Variants in SUSD5 observed in about 807,000 individuals in gnomAD.
SUSD5 encodes the protein sushi domain-containing protein 5.
A neutral mutation model predicts 29.5 loss-of-function variants in SUSD5; 33 were observed. The ratio of observed to expected loss-of-function variants is 1.12; its 90% CI spans 0.85 to 1.49. SUSD5 has a LOEUF of 1.49. Ranked by LOEUF, SUSD5 falls within the 40% of genes most tolerant of loss-of-function variation. The probability of loss-of-function intolerance (pLI) is 0.00; values close to 1 mark genes in which losing one functional copy is unlikely to be tolerated. For synonymous variants in SUSD5, 308 were observed against 325.3 expected (o/e 0.95, Z 0.57); for missense variants, 776 against 800.6 (o/e 0.97, Z 0.37).
At chr3:33,210,147 G>A (rs1444192914) in intron 2 of SUSD5, among the ~76,000 whole-genome samples, 2 of 152,150 alleles carry the variant, frequency 1.3e-5, no homozygotes, top group Admixed American at 6.5e-5. Flanking sequence ...TGAGGTCTAG[G>A]ATACTATCTT....
chr3:33,209,656 TTTTC>T (rs546869586), intron 2 of SUSD5, among the ~76,000 whole-genome samples: 36 of 151,232 alleles, frequency 2.4e-4, no homozygotes, highest in African/African-American at 8.5e-4. Flanking sequence ...TCTTTCTTTC[TTTTC>T]TTTTTTTTTC....
At chr3:33,217,860 T>C (rs1443496300) in intron 1 of SUSD5, among the ~76,000 whole-genome samples, 1 of 152,232 alleles carries the variant, frequency 6.6e-6, no homozygotes, top group Non-Finnish European at 1.5e-5. Flanking sequence ...CTGCTGGCTT[T>C]AAGCTTGCTT....
At chr3:33,184,086 C>G (rs1218419619) in intron 3 of SUSD5, among the ~76,000 whole-genome samples, 1 of 151,514 alleles carries the variant, frequency 6.6e-6, no homozygotes, top group Non-Finnish European at 1.5e-5. Flanking sequence ...TACAGGCACA[C>G]ACCACCACAC....
At chr3:33,169,561 T>C (rs1035128237) in intron 4 of SUSD5, among the ~76,000 whole-genome samples, 2 of 152,128 alleles carry the variant, frequency 1.3e-5, no homozygotes, top group African/African-American at 4.8e-5. Flanking sequence ...GGTATGCAAA[T>C]TAAACCCAAT....
chr3:33,203,982 A>C (rs1218570834), intron 3 of SUSD5, among the ~76,000 whole-genome samples: 5 of 151,138 alleles, frequency 3.3e-5, no homozygotes, highest in Admixed American at 2.6e-4. Flanking sequence ...TGGCATGATC[A>C]TAGCTCACTG....
At position 33,175,057 on chromosome 3, in the gene SUSD5, G is replaced by T. The variant is rs764739657; in HGVS notation, c.427C>A (p.Pro143Thr). ...IKDEEKPCGDPPSFPHTILQG... is the reference protein window; with the variant it reads ...IKDEEKPCGDTPSFPHTILQG... The stretch of plus-strand genomic sequence containing the variant: ...AGGATGGTGTGTGGGAACGAAGGCG[G>T]GTCTCCACACGGCTTCTCTGAGGAG... The change falls in exon 4 of 5, where the codon CCG (proline) becomes ACG (threonine). Residue 143 changes from proline to threonine, a missense_variant. By Grantham distance (38) the Pro-to-Thr change is conservative (BLOSUM62 -1). Coordinates refer to ENST00000309558, the MANE Select transcript of SUSD5 (RefSeq NM_015551.2). 6.2e-7 allele frequency: 1 copy of T among 1,613,990 alleles called. No homozygotes were observed. Among genetic ancestry groups the T allele is most frequent in the Non-Finnish European group, 8.5e-7 (1 of 1,179,880 alleles).
At chr3:33,168,612 T>C (rs2031356469) in intron 4 of SUSD5, 1 of 984,560 alleles carries the variant, frequency 1.0e-6, no homozygotes, top group Non-Finnish European at 1.2e-6. Flanking sequence ...GCACATAGCA[T>C]GATGCAGATA....
At chr3:33,154,566 A>C (rs2031007573) in intron 4 of SUSD5, among the ~76,000 whole-genome samples, 1 of 149,858 alleles carries the variant, frequency 6.7e-6, no homozygotes, top group Admixed American at 6.6e-5. Context: ...ACAACAAAAA[A>C]CATGTGAGTT....
chr3:33,169,474 G>A (rs2031375774), intron 4 of SUSD5, among the ~76,000 whole-genome samples: 1 of 152,132 alleles, frequency 6.6e-6, no homozygotes, highest in Non-Finnish European at 1.5e-5. Context: ...ACCCGCCTCG[G>A]CCTCCCAAAG....
At chr3:33,210,217 TC>T (rs1363708965) in intron 2 of SUSD5, among the ~76,000 whole-genome samples, 3 of 152,168 alleles carry the variant, frequency 2.0e-5, no homozygotes, top group Non-Finnish European at 2.9e-5. Flanking sequence ...AAATTCAGGG[TC>T]ATCTCAATCC....
chr3:33,193,837 T>C (rs1360377658), intron 3 of SUSD5, among the ~76,000 whole-genome samples: 4 of 152,142 alleles, frequency 2.6e-5, no homozygotes, highest in African/African-American at 9.7e-5. Flanking sequence ...GAATTTATAG[T>C]GTAACATTGA....
chr3:33,164,877 A>AGGCTCCCAGAACTCTTATAC (rs2031272196), intron 4 of SUSD5, among the ~76,000 whole-genome samples: 1 of 152,042 alleles, frequency 6.6e-6, no homozygotes, highest in African/African-American at 2.4e-5. Flanking sequence ...TGGGGAGGTA[A>AGGCTCCCAGAACTCTTATAC]GGCTCCCAGA....
chr3:33,177,512 CTTTT>C (rs1435353716), intron 3 of SUSD5, among the ~76,000 whole-genome samples: 4 of 151,710 alleles, frequency 2.6e-5, no homozygotes, highest in Non-Finnish European at 4.4e-5. Flanking sequence ...TGTTTTTTGG[CTTTT>C]TTGTTTTTTT....
Position 33,188,683 on chromosome 3 carries a change from A to G in SUSD5, c.410-13609T>C, listed in dbSNP as rs187730358. Among the ~76,000 whole-genome samples the G allele has an allele frequency of 3.3e-5, 5 of 152,314 alleles. No homozygotes were observed. In the East Asian group the frequency reaches 9.6e-4, roughly 29 times the overall value. On this transcript the variant is annotated intron_variant, in intron 3 of 4. Coordinates refer to ENST00000309558, the MANE Select transcript of SUSD5 (RefSeq NM_015551.2). ...ACAGGCAAAACCTATATGTGGTGATAAGAATTGGAATAGAGATGGGCCTCT... is the reference window on the plus strand; with the variant it reads ...ACAGGCAAAACCTATATGTGGTGATGAGAATTGGAATAGAGATGGGCCTCT...
chr3:33,172,185 ACACAC>A (rs1437383679), intron 4 of SUSD5, among the ~76,000 whole-genome samples: 15 of 13,114 alleles, frequency 1.1e-3, no homozygotes, highest in Non-Finnish European at 1.9e-3. Context: ...TGTAAAACAC[ACACAC>A]ACACACACAC....
chr3:33,217,354 T>C (rs1352798111), intron 1 of SUSD5, among the ~76,000 whole-genome samples: 1 of 152,212 alleles, frequency 6.6e-6, no homozygotes, highest in African/African-American at 2.4e-5. Context: ...GGGATTCTTT[T>C]GAGGAGTGAT....
chr3:33,153,028 T>A lies in SUSD5; in HGVS notation c.1604A>T (p.Tyr535Phe), dbSNP rs1383223904. ...TVPEIQDSFP[Y>F]LLSEDFFGQE... Reference sequence around the variant, plus strand: ...TCCAAAGAAGTCTTCAGACAGCAGGTATGGGAAGCTATCCTGGATCTCAGG... The same window carrying A: ...TCCAAAGAAGTCTTCAGACAGCAGGAATGGGAAGCTATCCTGGATCTCAGG... Residue 535 changes from tyrosine (Y) to phenylalanine (F), a missense_variant, in exon 5 of 5, where the codon TAC (tyrosine) becomes TTC (phenylalanine). By Grantham distance (22) the Tyr-to-Phe change is conservative. Transcript: ENST00000309558. 6.2e-7 allele frequency: 1 copy of A among 1,613,722 alleles called. No individual in the cohort carries two copies. Among genetic ancestry groups the A allele is most frequent in the Admixed American group, 1.7e-5 (1 of 59,972 alleles).
At chr3:33,181,120 T>C (rs79828936) in intron 3 of SUSD5, among the ~76,000 whole-genome samples, 4,175 of 152,008 alleles carry the variant, frequency 0.027, 154 homozygotes, top group African/African-American at 0.091. Context: ...TTTTAAAAAA[T>C]TAAAAATTTA....
chr3:33,152,983 C>A lies in SUSD5; in HGVS notation c.1649G>T (p.Gly550Val), dbSNP rs2030945669. ...GGTGGGATGAAGCTCCTCACTTGCA[C>A]CTGGCCCGGGGCCTTCCTGTCCAAA... is the stretch of plus-strand genomic sequence containing the variant. Reference protein sequence around the residue: ...DFFGQEGPGPGASEELHPTLE... With the variant: ...DFFGQEGPGPVASEELHPTLE... Residue 550 changes from glycine (G) to valine (V), a missense_variant, in exon 5 of 5, where the codon GGT becomes GTT. Transcript: ENST00000309558. 1.2e-6 allele frequency: 2 copies of A among 1,613,828 alleles called. No homozygotes were observed. The highest frequency in any genetic ancestry group is 1.6e-4 in the Middle Eastern group (1 of 6,084).
Sources: allele counts gnomAD v4.1 joint callset (sites outside exome capture counted in the v4.1 genomes callset), GRCh38; gene constraint gnomAD v4.1.1; transcripts MANE v1.5; gene names NCBI Gene and HGNC (gene_info 2026-07-23, HGNC 2026-07-21).